EPHB1: variants seen among roughly 807,000 people sequenced by gnomAD.
EPHB1 encodes ephrin type-B receptor 1.
In EPHB1, 30 loss-of-function variants were observed where a neutral mutation model predicts 94.4. The ratio of observed to expected loss-of-function variants is 0.32; its 90% CI spans 0.24 to 0.43. EPHB1 has a LOEUF of 0.43. Ranked by LOEUF, EPHB1 falls within the 20% of genes least tolerant of loss-of-function variation. EPHB1 has a pLI of 1.00. For missense variants in EPHB1, 1,055 were observed against 1,308.3 expected, an observed-to-expected ratio of 0.81 and a Z score of 2.99; for synonymous variants, 522 against 489.1, an observed-to-expected ratio of 1.07 and a Z score of -0.89.
At chr3:135,227,482 A>G (rs1247206142) in intron 12 of EPHB1, among the ~76,000 whole-genome samples, 2 of 152,168 alleles carry the variant, frequency 1.3e-5, no homozygotes, top group Non-Finnish European at 1.5e-5. Context: ...ACCATACATA[A>G]TGATCTACTC....
chr3:134,942,784 C>A (rs891486231), intron 2 of EPHB1, among the ~76,000 whole-genome samples: 1 of 152,120 alleles, frequency 6.6e-6, no homozygotes, highest in Admixed American at 6.5e-5. Flanking sequence ...TTCCATAATT[C>A]CAGTGTTGTG....
intron 3 of EPHB1, among the ~76,000 whole-genome samples, chr3:135,035,318 CT>C (rs1349683397): frequency 3.9e-5 from 6 of 152,310 alleles, no homozygotes; most frequent in African/African-American, 1.2e-4. Flanking sequence ...CACCTTCAGC[CT>C]TTTTCCACTG....
intron 13 of EPHB1, 41 bp from the exon 14 acceptor site, chr3:135,248,275 G>GCAGT (rs1559890572): frequency 6.8e-7 from 1 of 1,477,884 alleles, no homozygotes; most frequent in African/African-American, 1.4e-5. Flanking sequence ...CTGGCTGGTG[G>GCAGT]CAGTCACTCA....
At chr3:134,817,871 C>T (rs530004501) in intron 1 of EPHB1, among the ~76,000 whole-genome samples, 1 of 152,326 alleles carries the variant, frequency 6.6e-6, no homozygotes, top group South Asian at 2.1e-4. Context: ...TATCCCAAGC[C>T]CCTGCCCAGA....
chr3:135,105,051 G>A (rs1939160913), intron 3 of EPHB1, among the ~76,000 whole-genome samples: 1 of 152,158 alleles, frequency 6.6e-6, no homozygotes, highest in African/African-American at 2.4e-5. Context: ...AATGGAGATA[G>A]TAATAGCTAC....
intron 3 of EPHB1, among the ~76,000 whole-genome samples, chr3:134,996,118 T>C (rs1934986208): frequency 6.6e-6 from 1 of 152,246 alleles, no homozygotes; most frequent in African/African-American, 2.4e-5. Flanking sequence ...TTCAATCTCC[T>C]AATAATAATC....
intron 12 of EPHB1, among the ~76,000 whole-genome samples, chr3:135,237,521 A>C (rs1943685039): frequency 1.3e-5 from 2 of 151,740 alleles, no homozygotes; most frequent in African/African-American, 2.4e-5. Context: ...TCCCTCCCCC[A>C]TGCTCCAACA....
intron 4 of EPHB1, among the ~76,000 whole-genome samples, chr3:135,130,098 G>A (rs560481432): frequency 1.3e-5 from 2 of 152,336 alleles, no homozygotes; most frequent in African/African-American, 4.8e-5. Context: ...TCTGGCAGAA[G>A]AGACTATATC....
At chr3:135,047,456 G>A (rs36041) in intron 3 of EPHB1, among the ~76,000 whole-genome samples, 86,287 of 151,924 alleles carry the variant, frequency 0.57, 25,188 homozygotes, top group East Asian at 0.87. Flanking sequence ...GGCATCTGCA[G>A]GTCTTCTTGT....
At chr3:134,998,029 G>A (rs994970793) in intron 3 of EPHB1, among the ~76,000 whole-genome samples, 11 of 152,194 alleles carry the variant, frequency 7.2e-5, no homozygotes, top group Admixed American at 2.0e-4. Flanking sequence ...CAGCTGTGGA[G>A]GAGATCAATG....
intron 4 of EPHB1, among the ~76,000 whole-genome samples, chr3:135,118,719 G>C (rs753390895): frequency 6.6e-6 from 1 of 152,170 alleles, no homozygotes; most frequent in Non-Finnish European, 1.5e-5. Context: ...TCCATGCAAG[G>C]CGGCTGGGAA....
intron 15 of EPHB1, among the ~76,000 whole-genome samples, chr3:135,256,599 G>A (rs931336632): frequency 4.6e-5 from 7 of 152,290 alleles, no homozygotes; most frequent in Admixed American, 4.6e-4. Context: ...CTGTTAGTCT[G>A]ATGGGCTTCC....
rs772599022 is a variant in EPHB1 at position 135,248,519 on chromosome 3, G to C, written c.2690+10G>C. On this transcript the variant is annotated intron_variant, in intron 14 of 15. Coordinates refer to ENST00000398015, the MANE Select transcript of EPHB1 (RefSeq NM_004441.5). ...CAACCATCACCGCCGTGTGAGTCTA[G>C]TGAAACGGTGATCCCTAAATATGGC... The C allele has an allele frequency of 1.1e-5, 17 of 1,572,098 alleles. No homozygotes were observed. The Middle Eastern group carries it at 6.7e-4, about 62-fold the overall frequency.
rs1933027820 is a variant in EPHB1, at chr3:134,951,475, C to T, written c.228C>T (p.Phe76=). 2 of 1,611,508 alleles carry T rather than the reference C, an allele frequency of 1.2e-6. No homozygotes were observed. The highest frequency in any genetic ancestry group is 1.3e-5 in the African/African-American group (1 of 74,284). The part of the protein sequence containing the change: ...PNQNNWLLTT[F]INRRGAHRIY... Reference sequence around the variant, plus strand: ...AGAACAATTGGCTGCTCACCACCTTCATCAACCGGCGGGGGGCCCATCGCA... The same window carrying T: ...AGAACAATTGGCTGCTCACCACCTTTATCAACCGGCGGGGGGCCCATCGCA... Residue 76 remains phenylalanine, a synonymous_variant, in exon 3 of 16, where the codon TTC becomes TTT. Coordinates refer to ENST00000398015, the MANE Select transcript of EPHB1 (RefSeq NM_004441.5). The surrounding 1 kb of genome is among the most constrained non-coding windows in gnomAD (Gnocchi z 4.5).
At chr3:135,048,051 T>C (rs1937052318) in intron 3 of EPHB1, among the ~76,000 whole-genome samples, 1 of 151,796 alleles carries the variant, frequency 6.6e-6, no homozygotes, top group Non-Finnish European at 1.5e-5. Flanking sequence ...AGATGGGCAG[T>C]GAAGAGCTAG....
At chr3:134,807,566 G>GA (rs1207210196) in intron 1 of EPHB1, among the ~76,000 whole-genome samples, 8 of 145,128 alleles carry the variant, frequency 5.5e-5, no homozygotes, top group African/African-American at 1.0e-4. Flanking sequence ...GAGAGAGAGA[G>GA]AAAAAAAAAA....
At chr3:134,824,784 A>G (rs62272414) in intron 1 of EPHB1, among the ~76,000 whole-genome samples, 17,917 of 152,176 alleles carry the variant, frequency 0.12, 1,174 homozygotes, top group South Asian at 0.31. Context: ...TGGAGAGGCC[A>G]TGTATGGGTA....
Position 135,149,400 on chromosome 3 carries a change from G to T in EPHB1, c.1298-4752G>T, listed in dbSNP as rs140445349. ...GCCAGGACTTACTGTGAAAACCATT[G>T]TATATGGGGGCAAAAGGGGATACTT... On this transcript the variant is annotated intron_variant, in intron 5 of 15. Transcript: ENST00000398015. Among the ~76,000 whole-genome samples, 324 of 152,304 alleles carry T rather than the reference G, an allele frequency of 2.1e-3. 1 individual carries two copies. The highest frequency in any genetic ancestry group is 7.4e-3 in the African/African-American group (308 of 41,570).
rs1933016784 is a variant in EPHB1 at position 134,951,245 on chromosome 3, T to G, written c.124-126T>G. 1 of 724,656 alleles carries G rather than the reference T, an allele frequency of 1.4e-6. No homozygotes were observed. Among genetic ancestry groups the G allele is most frequent in the African/African-American group, 1.8e-5 (1 of 56,584 alleles). 44.9% of individuals were successfully genotyped at this position (724,656 alleles called of 1,614,324 possible). On this transcript the variant is annotated intron_variant, in intron 2 of 15. Transcript: ENST00000398015. This position sits in a 1 kb window ranked among gnomAD's most constrained non-coding sequence, Gnocchi z 4.5. The stretch of plus-strand genomic sequence containing the variant: ...TAGATGTGTTCATTTCTCAAGTCAA[T>G]CTGCTGGACTGGTGAGCTCTTAAGG...
Sources: gnomAD v4.1 joint callset for allele counts (sites outside exome capture counted in the v4.1 genomes callset) on GRCh38, gnomAD v4.1.1 for gene constraint, Gnocchi (gnomAD v3.1) non-coding constraint, MANE v1.5 for transcripts, NCBI Gene and HGNC (gene_info 2026-07-23, HGNC 2026-07-21) for gene names.